NISCH: variants seen among roughly 807,000 people sequenced by gnomAD.
NISCH encodes the protein nischarin, also known as I-1 receptor candidate protein.
A neutral mutation model predicts 138.4 loss-of-function variants in NISCH; 55 were observed. The observed-to-expected ratio is 0.40, with a 90% CI of 0.32 to 0.50. The LOEUF (loss-of-function observed/expected upper bound fraction) is 0.50. Among genes scored for constraint, NISCH ranks in the 20% least tolerant of loss-of-function variants. The pLI is 0.71. For missense variants in NISCH, 1,643 were observed against 2,005.5 expected (o/e 0.82, Z 3.45); for synonymous variants, 860 against 861.5 (o/e 1.00, Z 0.03).
rs774937728 is a variant in NISCH at position 52,476,452 on chromosome 3, C to T, written c.771C>T (p.Val257=). ...ACACAGATGTTTTTATGCAGGAAGTCCTTGTTCCTGAAGCCTCAGAATTTG... is the reference window on the plus strand; with the variant it reads ...ACACAGATGTTTTTATGCAGGAAGTTCTTGTTCCTGAAGCCTCAGAATTTG... ...VRFSATSMKE[V]LVPEASEFDE... is the part of the protein sequence containing the mutation. Residue 257 remains valine, a synonymous_variant, in exon 8 of 21, where the codon GTC becomes GTT. Transcript: ENST00000345716. 8 of 1,613,984 alleles carry T rather than the reference C, an allele frequency of 5.0e-6. No homozygotes were observed. Among genetic ancestry groups the T allele is most frequent in the Middle Eastern group, 1.6e-4 (1 of 6,084 alleles).
chr3:52,458,067 G>A, intron 2 of NISCH, 141 bp downstream of exon 2: 1 of 622,444 alleles, frequency 1.6e-6, no homozygotes, highest in South Asian at 2.1e-5. Context: ...TAATATAACT[G>A]CGTTCATTAA....
At chr3:52,456,103 C>T (rs1706459533) in intron 1 of NISCH, among the ~76,000 whole-genome samples, 1 of 152,008 alleles carries the variant, frequency 6.6e-6, no homozygotes, top group South Asian at 2.1e-4. Context: ...TACAGGGGTC[C>T]AGGAGGAAGG....
chr3:52,475,119 G>T (rs1707062048), intron 7 of NISCH, among the ~76,000 whole-genome samples: 1 of 152,008 alleles, frequency 6.6e-6, no homozygotes, highest in South Asian at 2.1e-4. Flanking sequence ...CATTTTGGGA[G>T]GCCAAGGCAG....
chr3:52,478,044 A>G (rs1707155237), intron 9 of NISCH, 53 bp from the exon 10 acceptor site: 1 of 1,588,588 alleles, frequency 6.3e-7, no homozygotes, highest in Admixed American at 1.7e-5. Flanking sequence ...TCAGGCCCCT[A>G]TCTTTGGAGA....
At chr3:52,481,398 A>G in intron 13 of NISCH, 2 of 986,976 alleles carry the variant, frequency 2.0e-6, no homozygotes, top group Non-Finnish European at 2.4e-6. Flanking sequence ...CGATGGGGTT[A>G]GGTGCCAGGA....
At chr3:52,460,959 C>G (rs757250008) in intron 3 of NISCH, among the ~76,000 whole-genome samples, 10 of 152,204 alleles carry the variant, frequency 6.6e-5, no homozygotes, top group Non-Finnish European at 1.5e-4. Context: ...ACTTTCTTGG[C>G]CAGGTGCAGT....
intron 3 of NISCH, among the ~76,000 whole-genome samples, chr3:52,463,714 CTTTTTTTTTTTTTTT>C (rs71084184): frequency 2.4e-5 from 1 of 41,402 alleles, no homozygotes; most frequent in East Asian, 8.4e-4. Flanking sequence ...TATTGAACCT[CTTTTTTTTTTTTTTT>C]TTTTTTTTTT....
intron 8 of NISCH, among the ~76,000 whole-genome samples, chr3:52,477,099 A>G (rs981164135): frequency 6.6e-6 from 1 of 152,344 alleles, no homozygotes; most frequent in African/African-American, 2.4e-5. Flanking sequence ...CAAATAAAAC[A>G]TAATAATTTC....
Position 52,487,497 on chromosome 3 carries a change from G to A in NISCH, c.2005G>A (p.Gly669Ser). The A allele has an allele frequency of 1.9e-6, 3 of 1,602,906 alleles. No homozygotes were observed. Among genetic ancestry groups the A allele is most frequent in the Non-Finnish European group, 2.6e-6 (3 of 1,172,608 alleles). ...AGACGTGGAGGAGGAGGAGGGAGGAGGCCAGGGGGAGGAAGAGGAGGAGGA... is the reference window on the plus strand; with the variant it reads ...AGACGTGGAGGAGGAGGAGGGAGGAAGCCAGGGGGAGGAAGAGGAGGAGGA... Reference protein sequence around the residue: ...PPDVEEEEGGGQGEEEEEEEE... With the variant: ...PPDVEEEEGGSQGEEEEEEEE... The change falls in exon 16 of 21, where the codon GGC becomes AGC. Residue 669 changes from glycine (G) to serine (S), a missense_variant. Gly to Ser is a moderately conservative substitution (Grantham distance 56, BLOSUM62 0). Transcript: ENST00000345716. The surrounding 1 kb of genome is among the most constrained non-coding windows in gnomAD (Gnocchi z 9.1).
At chr3:52,489,069 T>C (rs185933071) in intron 16 of NISCH, among the ~76,000 whole-genome samples, 1 of 152,314 alleles carries the variant, frequency 6.6e-6, no homozygotes, top group Non-Finnish European at 1.5e-5. Flanking sequence ...TTCACCCACC[T>C]CAACATCTTG....
intron 12 of NISCH, 78 bp from the exon 13 acceptor site, chr3:52,480,106 T>A (rs1172878067): frequency 6.5e-7 from 1 of 1,533,532 alleles, no homozygotes; most frequent in Non-Finnish European, 9.0e-7. Context: ...ACCGTTGCGC[T>A]CCCTCCTCAC....
intron 3 of NISCH, among the ~76,000 whole-genome samples, chr3:52,459,316 G>C (rs141765529): frequency 2.9e-4 from 44 of 152,346 alleles, no homozygotes; most frequent in Non-Finnish European, 5.0e-4. Context: ...CCTGTGATGG[G>C]AGAGTGTGTC....
At chr3:52,474,167 A>G (rs1049128300) in intron 7 of NISCH, among the ~76,000 whole-genome samples, 2 of 152,190 alleles carry the variant, frequency 1.3e-5, no homozygotes, top group African/African-American at 4.8e-5. Flanking sequence ...AGACTGGAGT[A>G]CAGTGGTATG....
At position 52,488,103 on chromosome 3, in the gene NISCH, G is replaced by C. The variant is rs138593477; in HGVS notation, c.2611G>C (p.Ala871Pro). 5.0e-6 allele frequency: 8 copies of C among 1,612,958 alleles called. No individual in the cohort carries two copies. In the East Asian group the frequency reaches 1.8e-4, roughly 36 times the overall value. The change falls in exon 16 of 21, where the codon GCC (alanine) becomes CCC (proline). Residue 871 changes from alanine to proline, a missense_variant. Ala to Pro is a conservative substitution (Grantham distance 27, BLOSUM62 -1). Transcript: ENST00000345716. ...VYSDKRMVQT[A>P]AGDYSGNIEW... ...CAGTGACAAGCGCATGGTGCAGACG[G>C]CCGCCGGGGACTACTCAGGCAACAT...
intron 3 of NISCH, among the ~76,000 whole-genome samples, chr3:52,464,766 A>C (rs2335928): frequency 0.96 from 146,554 of 152,186 alleles, 70,613 homozygotes; most frequent in African/African-American, 0.99. Flanking sequence ...CTTAGGTGAT[A>C]CACCTGTCTC....
rs1174172573 is a variant in NISCH at position 52,478,578 on chromosome 3, G to A, written c.1302+1G>A. 1 of 1,613,906 alleles carries A rather than the reference G, an allele frequency of 6.2e-7. No individual in the cohort carries two copies. The highest frequency in any genetic ancestry group is 8.5e-7 in the Non-Finnish European group (1 of 1,179,960). ...TCAGTTCGGAGAGAGGGCCTCAGAG[G>A]TGAGCCCCAGCACAGTCAGAAGAGC... On this transcript the variant is annotated splice_donor_variant, in intron 11 of 20. Transcript: ENST00000345716. LOFTEE classifies it high-confidence loss of function.
chr3:52,491,873 G>A lies in NISCH; in HGVS notation c.3906G>A (p.Gly1302=), dbSNP rs1325851964. 3 of 1,585,398 alleles carry A rather than the reference G, an allele frequency of 1.9e-6. No homozygotes were observed. In the Admixed American group the frequency reaches 5.1e-5, roughly 27 times the overall value. The change falls in exon 21 of 21, where the codon GGG becomes GGA. Residue 1302 remains glycine, a splice_region_variant and synonymous_variant. Transcript: ENST00000345716. ...FYSEFGNKTT[G]KMENYELIHS... ...AGCCCAGGTGGCATCTCTCTGCAGG[G>A]AAGATGGAGAACTACGAGCTGATCC...
rs566817686 is a variant in NISCH at position 52,487,176 on chromosome 3, C to T, written c.1704-20C>T. 3.7e-6 allele frequency: 6 copies of T among 1,601,426 alleles called. No individual in the cohort carries two copies. In the South Asian group the frequency reaches 6.7e-5, roughly 18 times the overall value. On this transcript the variant is annotated intron_variant, in intron 15 of 20. Transcript: ENST00000345716. The surrounding 1 kb of genome is among the most constrained non-coding windows in gnomAD (Gnocchi z 9.1). ...GGGGCCCCTCCCAGCATGCCACTGA[C>T]CTGGCCTCTCCCTGCACAGCCCAGA...
rs577065494 is a variant in NISCH at position 52,462,067 on chromosome 3, C to T, written c.360+3223C>T. ...GACTGCTCTTTTGAAACTGGTTTGC[C>T]TGAGATGTGCCTGGGGCCGGCTACA... On this transcript the variant is annotated intron_variant, in intron 3 of 20. Transcript: ENST00000345716. Among the ~76,000 whole-genome samples the T allele has an allele frequency of 4.6e-5, 7 of 152,174 alleles. No homozygotes were observed. In the South Asian group the frequency reaches 1.5e-3, roughly 32 times the overall value.
Sources: allele counts gnomAD v4.1 joint callset (sites outside exome capture counted in the v4.1 genomes callset), GRCh38; gene constraint gnomAD v4.1.1; non-coding constraint Gnocchi (gnomAD v3.1); transcripts MANE v1.5; gene names NCBI Gene and HGNC (gene_info 2026-07-23, HGNC 2026-07-21).